SV2C: variants seen among roughly 807,000 people sequenced by gnomAD.
SV2C encodes the protein solute carrier family 22 member B3.
SV2C carries 49 observed loss-of-function variants against 79.7 expected under a neutral mutation model. That is an observed-to-expected ratio of 0.61 (90% CI 0.49 to 0.78). SV2C has a LOEUF of 0.78. SV2C is among the 30% of genes least tolerant of loss of function. The probability of loss-of-function intolerance (pLI) is 0.00; values close to 1 mark genes in which losing one functional copy is unlikely to be tolerated. For synonymous variants in SV2C, 334 were observed against 333.2 expected, an observed-to-expected ratio of 1.00 and a Z score of -0.03; for missense variants, 833 against 912.9, an observed-to-expected ratio of 0.91 and a Z score of 1.13.
rs114395830 is a variant in SV2C, at chr5:76,295,142, T to C, written c.1338-636T>C. ...ACCACAACAGGTAATTTGTAAATAA[T>C]AGGAATTTTATTTTTCACAGTCCTG... On this transcript the variant is annotated intron_variant, in intron 8 of 12. Coordinates refer to ENST00000502798, the MANE Select transcript of SV2C (RefSeq NM_014979.4). Among the ~76,000 whole-genome samples the C allele has an allele frequency of 2.7e-3, 408 of 152,178 alleles. 2 individuals carry two copies. Among genetic ancestry groups the C allele is most frequent in the African/African-American group, 9.0e-3 (373 of 41,514 alleles).
At chr5:76,308,189 C>T (rs940384505) in intron 12 of SV2C, among the ~76,000 whole-genome samples, 5 of 152,146 alleles carry the variant, frequency 3.3e-5, no homozygotes, top group Non-Finnish European at 5.9e-5. Context: ...CTCTGGCAAG[C>T]GAAAGGGAGG....
chr5:76,285,039 G>A lies in SV2C; in HGVS notation c.914-123G>A, dbSNP rs1747305726. The A allele has an allele frequency of 2.9e-6, 4 of 1,390,472 alleles. No individual in the cohort carries two copies. In the East Asian group the frequency reaches 6.9e-5, roughly 24 times the overall value. The allele number at this position is 1,390,472 out of a possible 1,614,324, so 86.1% of individuals were successfully genotyped here. On this transcript the variant is annotated intron_variant, in intron 4 of 12. Transcript: ENST00000502798. Reference sequence around the variant, plus strand: ...GCCACCATGGATGATGCCCAGATCAGCTCACTGCTCTGTGGATAGTAAGAC... The same window carrying A: ...GCCACCATGGATGATGCCCAGATCAACTCACTGCTCTGTGGATAGTAAGAC...
chr5:76,199,117 C>T (rs1341447374), intron 3 of SV2C, among the ~76,000 whole-genome samples: 1 of 152,170 alleles, frequency 6.6e-6, no homozygotes, highest in Non-Finnish European at 1.5e-5. Flanking sequence ...TAACTCAGTA[C>T]AGAAGCAGCT....
the SV2C span, among the ~76,000 whole-genome samples, chr5:75,863,422 A>G: frequency 6.6e-6 from 1 of 152,244 alleles, no homozygotes; most frequent in African/African-American, 2.4e-5. Context: ...GACCACAGAG[A>G]TAATAGTAAA....
chr5:76,000,134 T>C, the SV2C span, among the ~76,000 whole-genome samples: 1 of 152,146 alleles, frequency 6.6e-6, no homozygotes, highest in Admixed American at 6.6e-5. Context: ...CAAATGCTTG[T>C]CTCTTTCAGA....
chr5:76,182,816 A>G (rs1743778752), intron 2 of SV2C, among the ~76,000 whole-genome samples: 1 of 152,104 alleles, frequency 6.6e-6, no homozygotes, highest in South Asian at 2.1e-4. Context: ...GAGGAAGCAG[A>G]GCGGCATCTG....
intron 4 of SV2C, among the ~76,000 whole-genome samples, chr5:76,228,518 C>T (rs2112393248): frequency 6.6e-6 from 1 of 152,202 alleles, no homozygotes; most frequent in South Asian, 2.1e-4. Flanking sequence ...CGTAACGGAG[C>T]AGCTAGAAAA....
intron 1 of SV2C, among the ~76,000 whole-genome samples, chr5:76,125,397 T>A (rs1204887138): frequency 2.0e-5 from 3 of 152,154 alleles, no homozygotes; most frequent in Admixed American, 6.6e-5. Flanking sequence ...TGGTATTTTA[T>A]AATAGAGACA....
chr5:76,095,410 T>C (rs1296269212), intron 1 of SV2C, among the ~76,000 whole-genome samples: 1 of 152,142 alleles, frequency 6.6e-6, no homozygotes, highest in Non-Finnish European at 1.5e-5. Context: ...TCAGCTTTAG[T>C]GTGCTGCCTT....
At chr5:76,242,411 A>G in intron 4 of SV2C, 1 of 671,376 alleles carries the variant, frequency 1.5e-6, no homozygotes, top group Admixed American at 2.1e-5. Flanking sequence ...TCCGGTCTCA[A>G]TCTCTTGACC....
intron 4 of SV2C, among the ~76,000 whole-genome samples, chr5:76,236,296 A>G (rs540568869): frequency 3.3e-5 from 5 of 152,312 alleles, no homozygotes; most frequent in African/African-American, 1.2e-4. Flanking sequence ...AGGCCTGGGC[A>G]TGGTGGCTCA....
At chr5:76,031,391 G>A in the SV2C span, among the ~76,000 whole-genome samples, 3 of 152,156 alleles carry the variant, frequency 2.0e-5, no homozygotes, top group Non-Finnish European at 4.4e-5. Context: ...GCTGTCACAC[G>A]GCAATGCTGG....
chr5:76,237,969 A>AACACACAC (rs200837649), intron 4 of SV2C, among the ~76,000 whole-genome samples: 37,077 of 136,768 alleles, frequency 0.27, 4,956 homozygotes, highest in Non-Finnish European at 0.32. Context: ...CCAGAGGACT[A>AACACACAC]ACACACACAC....
the SV2C span, among the ~76,000 whole-genome samples, chr5:75,932,457 C>CA: frequency 0.59 from 89,870 of 152,044 alleles, 28,005 homozygotes; most frequent in African/African-American, 0.8. Context: ...AAAGTGGGAT[C>CA]GGGGGCTAAC....
intron 4 of SV2C, among the ~76,000 whole-genome samples, chr5:76,236,283 A>T (rs924712871): frequency 6.9e-6 from 1 of 145,366 alleles, no homozygotes; most frequent in Admixed American, 6.6e-5. Context: ...AATCAAATAC[A>T]CTAGGCCTGG....
chr5:76,117,825 G>T (rs73130259), intron 1 of SV2C, among the ~76,000 whole-genome samples: 7,067 of 152,158 alleles, frequency 0.046, 541 homozygotes, highest in African/African-American at 0.16. Context: ...GTTCGGGAGG[G>T]CCTTAATAAA....
At chr5:75,887,314 C>A in the SV2C span, among the ~76,000 whole-genome samples, 1 of 151,946 alleles carries the variant, frequency 6.6e-6, no homozygotes, top group Non-Finnish European at 1.5e-5. Context: ...TGGACTTATT[C>A]CTCCTGTTTA....
chr5:76,169,730 T>C (rs538322724), intron 2 of SV2C, among the ~76,000 whole-genome samples: 1 of 152,280 alleles, frequency 6.6e-6, no homozygotes, highest in African/African-American at 2.4e-5. Context: ...AAACCAGTCC[T>C]AGCAACAATA....
At chr5:75,984,683 A>T in the SV2C span, among the ~76,000 whole-genome samples, 7 of 151,986 alleles carry the variant, frequency 4.6e-5, no homozygotes, top group Non-Finnish European at 2.9e-5. Context: ...ATAGACAAGA[A>T]ATTGGCTTAT....
Sources: gnomAD v4.1 joint callset for allele counts (sites outside exome capture counted in the v4.1 genomes callset) on GRCh38, gnomAD v4.1.1 for gene constraint, MANE v1.5 for transcripts, NCBI Gene and HGNC (gene_info 2026-07-23, HGNC 2026-07-21) for gene names.